The following SHH variants were observed in gnomAD, a reference collection of about 807,000 sequenced individuals.
SHH encodes sonic hedgehog protein.
A neutral mutation model predicts 16.6 loss-of-function variants in SHH; 3 were observed. The observed-to-expected ratio is 0.18, with a 90% CI of 0.08 to 0.47. The LOEUF (loss-of-function observed/expected upper bound fraction) is 0.47. Ranked by LOEUF, SHH falls within the 20% of genes least tolerant of loss-of-function variation. The pLI is 0.98. For synonymous variants in SHH, 351 were observed against 316.2 expected, an observed-to-expected ratio of 1.11 and a Z score of -1.17; for missense variants, 499 against 665.0, an observed-to-expected ratio of 0.75 and a Z score of 2.75.
chr7:155,811,394 G>C (rs953144392), intron 1 of SHH, among the ~76,000 whole-genome samples: 28 of 152,318 alleles, frequency 1.8e-4, no homozygotes, highest in African/African-American at 6.7e-4. Flanking sequence ...ACGTTCGTTC[G>C]TTCGTACAGT....
At chr7:155,806,219 T>C (rs1803357114) in intron 2 of SHH, 77 bp downstream of exon 2, 9 of 1,586,372 alleles carry the variant, frequency 5.7e-6, no homozygotes, top group Non-Finnish European at 6.1e-6. Context: ...CCCCCAGGTT[T>C]CTTTTTCTCT....
At chr7:155,805,613 C>T (rs1461363981) in intron 2 of SHH, among the ~76,000 whole-genome samples, 1 of 152,224 alleles carries the variant, frequency 6.6e-6, no homozygotes, top group Non-Finnish European at 1.5e-5. Flanking sequence ...TGTTCCTCGC[C>T]GGCAACAGCG....
chr7:155,811,684 G>A, intron 1 of SHH, 139 bp downstream of exon 1: 2 of 851,936 alleles, frequency 2.3e-6, no homozygotes, highest in Non-Finnish European at 4.1e-6. Context: ...ATGGGGGGCG[G>A]GCAGGTGGGT....
intron 2 of SHH, 82 bp from the exon 3 acceptor site, chr7:155,803,808 C>T: frequency 2.4e-6 from 3 of 1,235,424 alleles, no homozygotes; most frequent in Non-Finnish European, 3.4e-6. Context: ...GGAGGGCGCA[C>T]GCTTGGTGCC....
In SHH at chr7:155,812,110, C is replaced by G. The variant is rs1232748250; in HGVS notation, c.13G>C (p.Ala5Pro). 2 of 1,614,032 alleles carry G rather than the reference C, an allele frequency of 1.2e-6. No homozygotes were observed. The highest frequency in any genetic ancestry group is 2.7e-5 in the African/African-American group (2 of 74,958). The part of the protein sequence containing the change: MLLL[A>P]RCLLLVLVSS... The stretch of plus-strand genomic sequence containing the variant: ...ACGAGGACTAGCAGCAGACATCTCG[C>G]CAGCAGCAGCATCTCGCCCATGGAA... The change falls in exon 1 of 3, where the codon GCG becomes CCG. Residue 5 changes from alanine (A) to proline (P), a missense_variant. By Grantham distance (27) the Ala-to-Pro change is conservative. Transcript: ENST00000297261.
Position 155,809,625 on chromosome 7 carries a change from A to T in SHH, c.300+2198T>A, listed in dbSNP as rs1219206319. On this transcript the variant is annotated intron_variant, in intron 1 of 2. Transcript: ENST00000297261. This position sits in a 1 kb window ranked among gnomAD's most constrained non-coding sequence, Gnocchi z 6.1. ...ATCCCGGCCTGGCTCTCCTCACCCA[A>T]CCCCCACTTGGGCCGTCCTTCCCCC... 6.6e-6 allele frequency among the ~76,000 whole-genome samples: 1 copy of T among 151,650 alleles called. No homozygotes were observed. Among genetic ancestry groups the T allele is most frequent in the Admixed American group, 6.6e-5 (1 of 15,238 alleles).
In SHH at chr7:155,802,904, C is replaced by A; in HGVS notation, c.1385G>T (p.Ser462Ile). Residue 462 changes from serine (S) to isoleucine (I), a missense_variant, in exon 3 of 3, where the codon AGC becomes ATC. Physicochemically the swap from Ser to Ile is moderately radical, Grantham distance 142. This residue lies in a region of SHH where 299 missense variants were observed against 301.1 expected (regional missense o/e 0.99). Transcript: ENST00000297261. ...LHPLGMAVKS[S>I] Reference sequence around the variant, plus strand: ...CCCTCCCCCGGCCCCCCGGCTTCAGCTGGACTTGACCGCCATGCCCAGCGG... The same window carrying A: ...CCCTCCCCCGGCCCCCCGGCTTCAGATGGACTTGACCGCCATGCCCAGCGG... 6.9e-7 allele frequency: 1 copy of A among 1,458,482 alleles called. No individual in the cohort carries two copies. The allele number at this position is 1,458,482 out of a possible 1,614,324, so 90.3% of individuals were successfully genotyped here.
In SHH at chr7:155,800,980, G is replaced by A; in HGVS notation, c.*1920C>T. ...AGGCCCAGCCTGCTCAGACGATTCG[G>A]CCCAAAGCACAAAGCATGGCAGACA... On this transcript the variant is annotated 3_prime_UTR_variant, in exon 3 of 3. Transcript: ENST00000297261. 5.0e-6 allele frequency: 1 copy of A among 199,402 alleles called. No homozygotes were observed. The highest frequency in any genetic ancestry group is 1.1e-5 in the Non-Finnish European group (1 of 95,224). 12.4% of individuals were successfully genotyped at this position (199,402 alleles called of 1,614,324 possible). A position where few individuals can be genotyped will look rare whatever the true frequency, so the allele number is the denominator to read the frequency against.
At position 155,810,693 on chromosome 7, in the gene SHH, G is replaced by A. The variant is rs544369469; in HGVS notation, c.300+1130C>T. ...GCAAGCCTGGGAATCGGGTCGGGAA[G>A]CAGGGCGGCACGGAGGTAGCTCCTC... On this transcript the variant is annotated intron_variant, in intron 1 of 2. Transcript: ENST00000297261. Among the ~76,000 whole-genome samples, 4 of 152,370 alleles carry A rather than the reference G, an allele frequency of 2.6e-5. No homozygotes were observed. In the South Asian group the frequency reaches 8.3e-4, roughly 32 times the overall value.
rs1442610428 is a variant in SHH at position 155,809,713 on chromosome 7, G to T, written c.300+2110C>A. Among the ~76,000 whole-genome samples, 3 of 152,182 alleles carry T rather than the reference G, an allele frequency of 2.0e-5. No individual in the cohort carries two copies. The highest frequency in any genetic ancestry group is 4.4e-5 in the Non-Finnish European group (3 of 68,026). On this transcript the variant is annotated intron_variant, in intron 1 of 2. Transcript: ENST00000297261. The surrounding 1 kb of genome is among the most constrained non-coding windows in gnomAD (Gnocchi z 6.1). ...GGAAAAAAGTATTTGTTTTCGTTTCGTTCGTCTGAGGGAAGTTGACAGAAG... is the reference window on the plus strand; with the variant it reads ...GGAAAAAAGTATTTGTTTTCGTTTCTTTCGTCTGAGGGAAGTTGACAGAAG...
chr7:155,810,454 C>T (rs1803497142), intron 1 of SHH, among the ~76,000 whole-genome samples: 2 of 152,244 alleles, frequency 1.3e-5, no homozygotes, highest in South Asian at 4.1e-4. Context: ...CTCCAGCCAG[C>T]TGCACGCAAC....
Position 155,803,949 on chromosome 7 carries a change from C to G in SHH, c.563-223G>C, listed in dbSNP as rs182941998. ...TTCCGACACATTCCTTAACGACTCT[C>G]TAAGTCTGGGCTGGCGGTCACAGAG... On this transcript the variant is annotated intron_variant, in intron 2 of 2. Coordinates refer to ENST00000297261, the MANE Select transcript of SHH (RefSeq NM_000193.4). Among the ~76,000 whole-genome samples, 446 of 152,220 alleles carry G rather than the reference C, an allele frequency of 2.9e-3. 2 individuals are homozygous for G. The highest frequency in any genetic ancestry group is 4.6e-3 in the Non-Finnish European group (316 of 67,992).
Position 155,807,825 on chromosome 7 carries a change from G to A in SHH, c.301-1268C>T, listed in dbSNP as rs1450733802. ...GGGCAATTTCAAGGTGACTTCTGCA[G>A]AGGGCGGGGCTGACCTCTAACCTCC... On this transcript the variant is annotated intron_variant, in intron 1 of 2. Coordinates refer to ENST00000297261, the MANE Select transcript of SHH (RefSeq NM_000193.4). This position sits in a 1 kb window ranked among gnomAD's most constrained non-coding sequence, Gnocchi z 7.1. 1.3e-5 allele frequency among the ~76,000 whole-genome samples: 2 copies of A among 152,072 alleles called. No homozygotes were observed. Among genetic ancestry groups the A allele is most frequent in the African/African-American group, 4.8e-5 (2 of 41,394 alleles).
rs1276614054 is a variant in SHH, at chr7:155,803,440, C to T, written c.849G>A (p.Gly283=). ...FVAPHNDSAT[G]EPEASSGSGP... is the part of the protein sequence containing the mutation. ...CCGAGCCCGAGGACGCCTCGGGCTC[C>T]CCGGTGGCCGAGTCGTTGTGCGGCG... The change falls in exon 3 of 3, where the codon GGG becomes GGA. Residue 283 remains glycine (G), a synonymous_variant. Transcript: ENST00000297261. 1 of 1,539,190 alleles carries T rather than the reference C, an allele frequency of 6.5e-7. No homozygotes were observed. The highest frequency in any genetic ancestry group is 1.2e-5 in the South Asian group (1 of 84,288).
rs1563202078 is a variant in SHH, at chr7:155,809,301, G to C, written c.300+2522C>G. Among the ~76,000 whole-genome samples the C allele has an allele frequency of 6.6e-6, 1 of 152,208 alleles. No homozygotes were observed. Among genetic ancestry groups the C allele is most frequent in the East Asian group, 1.9e-4 (1 of 5,186 alleles). On this transcript the variant is annotated intron_variant, in intron 1 of 2. Coordinates refer to ENST00000297261, the MANE Select transcript of SHH (RefSeq NM_000193.4). This position sits in a 1 kb window ranked among gnomAD's most constrained non-coding sequence, Gnocchi z 6.1. ...GTCACATTAGAGACCCAGAGACAGG[G>C]AGGGAGACAGAAGAAGAGGGTCACG...
chr7:155,805,754 A>G (rs373977685), intron 2 of SHH, among the ~76,000 whole-genome samples: 4 of 152,120 alleles, frequency 2.6e-5, no homozygotes, highest in Admixed American at 6.5e-5. Context: ...CCGCCTCCAG[A>G]TGCTGGAGGT....
chr7:155,803,053 T>G lies in SHH; in HGVS notation c.1236A>C (p.Arg412Ser). The G allele has an allele frequency of 2.8e-6, 4 of 1,443,314 alleles. No individual in the cohort carries two copies. The highest frequency in any genetic ancestry group is 3.6e-6 in the Non-Finnish European group (4 of 1,097,028). The allele number at this position is 1,443,314 out of a possible 1,614,324, so 89.4% of individuals were successfully genotyped here. A position where few individuals can be genotyped will look rare whatever the true frequency, so the allele number is the denominator to read the frequency against. The change falls in exon 3 of 3, where the codon AGA (arginine) becomes AGC (serine). Residue 412 changes from arginine to serine, a missense_variant. Coordinates refer to ENST00000297261, the MANE Select transcript of SHH (RefSeq NM_000193.4). ...CAGCACCTGGAGCGGTTAGGGCTAC[T>G]CTGCCGCCGCCGCCCCCGCGGTCCC... The part of the protein sequence containing the change: ...GGGDRGGGGG[R>S]VALTAPGAAD...
chr7:155,803,764 C>A (rs554382119), intron 2 of SHH, 38 bp from the exon 3 acceptor site: 1 of 1,544,128 alleles, frequency 6.5e-7, no homozygotes, highest in African/African-American at 1.4e-5. Context: ...GAGGACAGGG[C>A]ATTGAGTTCC....
Position 155,802,894 on chromosome 7 carries a change from C to CCCCCCCCCAA in SHH, c.*5_*6insTTGGGGGGGG. 7.3e-7 allele frequency: 1 copy of CCCCCCCCCAA among 1,375,072 alleles called. No homozygotes were observed. The allele number at this position is 1,375,072 out of a possible 1,614,324, so 85.2% of individuals were successfully genotyped here. ...CCTCCCGCGCCCCTCCCCCGGCCCC[C>CCCCCCCCCAA]CGGCTTCAGCTGGACTTGACCGCCA... On this transcript the variant is annotated 3_prime_UTR_variant, in exon 3 of 3. Coordinates refer to ENST00000297261, the MANE Select transcript of SHH (RefSeq NM_000193.4).
Sources: gnomAD v4.1 joint callset for allele counts (sites outside exome capture counted in the v4.1 genomes callset) on GRCh38, gnomAD v4.1.1 for gene constraint, gnomAD v4.1.1 regional missense constraint, Gnocchi (gnomAD v3.1) non-coding constraint, MANE v1.5 for transcripts, NCBI Gene and HGNC (gene_info 2026-07-23, HGNC 2026-07-21) for gene names.